NCOR1: variants seen among roughly 807,000 people sequenced by gnomAD.
NCOR1 encodes nuclear receptor corepressor 1.
Under a neutral mutation model 288.1 loss-of-function variants are expected in NCOR1, and 63 were observed. The observed-to-expected ratio is 0.22, with a 90% CI of 0.18 to 0.27. The LOEUF (loss-of-function observed/expected upper bound fraction) is 0.27. Among genes scored for constraint, NCOR1 ranks in the 10% least tolerant of loss-of-function variants. The pLI, the probability that NCOR1 is intolerant of heterozygous loss-of-function variation, is 1.00. For synonymous variants in NCOR1, 1,007 were observed against 1,065.9 expected, an observed-to-expected ratio of 0.94 and a Z score of 1.08; for missense variants, 2,397 against 3,019.2, an observed-to-expected ratio of 0.79 and a Z score of 4.83.
intron 30 of NCOR1, among the ~76,000 whole-genome samples, chr17:16,070,756 A>C (rs549707948): frequency 6.6e-6 from 1 of 152,332 alleles, no homozygotes; most frequent in East Asian, 1.9e-4. Context: ...AAGGCCAGGC[A>C]TGGTGGTTCA....
chr17:16,174,573 T>G (rs1187596796), intron 3 of NCOR1, among the ~76,000 whole-genome samples: 3 of 152,230 alleles, frequency 2.0e-5, no homozygotes, highest in Admixed American at 6.5e-5. Context: ...AATGCTCTTT[T>G]TCTATCTAGA....
intron 40 of NCOR1, among the ~76,000 whole-genome samples, chr17:16,053,629 C>G (rs1308988996): frequency 1.3e-5 from 2 of 152,086 alleles, no homozygotes; most frequent in Non-Finnish European, 2.9e-5. Flanking sequence ...CAATGCAATT[C>G]ACAAATTCAA....
chr17:16,158,366 T>C (rs2153416552), intron 6 of NCOR1, among the ~76,000 whole-genome samples: 1 of 152,326 alleles, frequency 6.6e-6, no homozygotes, highest in Admixed American at 6.5e-5. Flanking sequence ...CAATGACCTA[T>C]CTTTACTGAA....
Position 16,070,259 on chromosome 17 carries a change from A to G in NCOR1, c.4419T>C (p.Pro1473=), listed in dbSNP as rs2152723323. The G allele has an allele frequency of 6.2e-7, 1 of 1,614,128 alleles. No individual in the cohort carries two copies. The highest frequency in any genetic ancestry group is 2.2e-5 in the East Asian group (1 of 44,868). ...LHEAPKAQLS[P]GIYDDTSARR... The stretch of plus-strand genomic sequence containing the variant: ...GTGCACTGGTGTCATCATAAATCCC[A>G]GGGCTCAGTTGTGCTTTGGGAGCTT... Residue 1473 remains proline (P), a synonymous_variant, in exon 31 of 46, where the codon CCT becomes CCC. Coordinates refer to ENST00000268712, the MANE Select transcript of NCOR1 (RefSeq NM_006311.4).
intron 14 of NCOR1, among the ~76,000 whole-genome samples, chr17:16,133,641 C>T (rs2075986652): frequency 1.3e-5 from 2 of 152,048 alleles, no homozygotes; most frequent in Admixed American, 6.6e-5. Flanking sequence ...TATCTTTAAC[C>T]CAGATCTTTT....
At chr17:16,045,820 T>A (rs571871923) in intron 42 of NCOR1, among the ~76,000 whole-genome samples, 70 of 147,774 alleles carry the variant, frequency 4.7e-4, no homozygotes, top group African/African-American at 1.5e-3. Context: ...TAAAAAAAAT[T>A]TTTTTTTTTT....
intron 44 of NCOR1, among the ~76,000 whole-genome samples, chr17:16,037,810 C>T (rs1249769364): frequency 6.6e-6 from 1 of 152,200 alleles, no homozygotes; most frequent in South Asian, 2.1e-4. Context: ...AGCAGAATTT[C>T]ACAGAAGTGA....
chr17:16,117,596 G>A (rs764681770), intron 18 of NCOR1, among the ~76,000 whole-genome samples: 12 of 151,722 alleles, frequency 7.9e-5, no homozygotes, highest in Non-Finnish European at 1.0e-4. Context: ...GCTGAGACAG[G>A]TGGATCACCT....
chr17:16,086,359 G>T lies in NCOR1; in HGVS notation c.3100C>A (p.Pro1034Thr). The T allele has an allele frequency of 6.2e-7, 1 of 1,614,108 alleles. No individual in the cohort carries two copies. The highest frequency in any genetic ancestry group is 8.5e-7 in the Non-Finnish European group (1 of 1,179,964). The change falls in exon 23 of 46, where the codon CCC (proline) becomes ACC (threonine). Residue 1034 changes from proline (P) to threonine (T), a missense_variant. This residue lies in a region of NCOR1 where 1,872 missense variants were observed against 2,187.8 expected (regional missense o/e 0.86). Transcript: ENST00000268712. The part of the protein sequence containing the change: ...LPTTRPTRPP[P>T]PLIPSSKTTV... ...GTTTTGGATGACGGGATGAGAGGGG[G>T]CGGTGGCCTGGTTGGTCGAGTTGTC...
Position 16,029,840 on chromosome 17 carries a change from TG to T in NCOR1, c.*2455del, listed in dbSNP as rs1296315490. 1 of 152,664 alleles carries T rather than the reference TG, an allele frequency of 6.6e-6. No homozygotes were observed. Among genetic ancestry groups the T allele is most frequent in the East Asian group, 1.9e-4 (1 of 5,248 alleles). 9.5% of individuals were successfully genotyped at this position (152,664 alleles called of 1,614,324 possible). On this transcript the variant is annotated 3_prime_UTR_variant, in exon 46 of 46. Transcript: ENST00000268712. ...GATGGTAAATAAAGTAATACGCACA[TG>T]CATTATGATGAGGATGGAGGGAGTG...
At chr17:16,081,939 C>T (rs2063473670) in intron 23 of NCOR1, among the ~76,000 whole-genome samples, 1 of 152,180 alleles carries the variant, frequency 6.6e-6, no homozygotes. Flanking sequence ...ACTTAGGCTG[C>T]CCTTAAGGCT....
chr17:16,137,292 T>C lies in NCOR1; in HGVS notation c.1509+19A>G, dbSNP rs1599236472. 2 of 1,527,084 alleles carry C rather than the reference T, an allele frequency of 1.3e-6. No homozygotes were observed. The highest frequency in any genetic ancestry group is 1.8e-6 in the Non-Finnish European group (2 of 1,109,364). The allele number at this position is 1,527,084 out of a possible 1,614,324, so 94.6% of individuals were successfully genotyped here. A position where few individuals can be genotyped will look rare whatever the true frequency, so the allele number is the denominator to read the frequency against. Reference sequence around the variant, plus strand: ...TCCCCCAATCCTGAAATATCTTCCATACAAGTAAGAAAACACACCTGGTTT... The same window carrying C: ...TCCCCCAATCCTGAAATATCTTCCACACAAGTAAGAAAACACACCTGGTTT... On this transcript the variant is annotated intron_variant, in intron 14 of 45. Coordinates refer to ENST00000268712, the MANE Select transcript of NCOR1 (RefSeq NM_006311.4).
intron 14 of NCOR1, 36 bp downstream of exon 14, chr17:16,137,275 T>G: frequency 7.1e-7 from 1 of 1,404,980 alleles, no homozygotes; most frequent in Non-Finnish European, 1.0e-6. Flanking sequence ...TTTCCCCCAA[T>G]CCTGAAATAT....
intron 1 of NCOR1, among the ~76,000 whole-genome samples, chr17:16,204,797 A>G (rs1266592080): frequency 1.3e-5 from 2 of 152,266 alleles, no homozygotes; most frequent in Admixed American, 6.5e-5. Context: ...TTTACAAATA[A>G]GGAAATTAAG....
chr17:16,086,130 C>T (rs2064189584), intron 23 of NCOR1, 152 bp downstream of exon 23: 3 of 893,824 alleles, frequency 3.4e-6, no homozygotes, highest in Non-Finnish European at 5.2e-6. Context: ...AGTACAGTGA[C>T]TGCTGCATCT....
At chr17:16,191,656 G>A (rs74468026) in intron 2 of NCOR1, among the ~76,000 whole-genome samples, 2 of 152,138 alleles carry the variant, frequency 1.3e-5, no homozygotes, top group Non-Finnish European at 1.5e-5. Context: ...GGAATAACAT[G>A]CAACATGAGT....
chr17:16,096,573 CAA>C (rs2152959674), intron 21 of NCOR1, among the ~76,000 whole-genome samples: 1 of 152,172 alleles, frequency 6.6e-6, no homozygotes, highest in South Asian at 2.1e-4. Flanking sequence ...TGGTTACAAA[CAA>C]AAACAGGACT....
chr17:16,152,156 T>C (rs926974331), intron 7 of NCOR1, among the ~76,000 whole-genome samples, 158 bp from the exon 8 acceptor site: 2 of 152,204 alleles, frequency 1.3e-5, no homozygotes, highest in Non-Finnish European at 2.9e-5. Context: ...TTTTATTTAC[T>C]TATTTTTTTA....
At chr17:16,210,521 G>T (rs1268102063) in intron 1 of NCOR1, among the ~76,000 whole-genome samples, 2 of 152,062 alleles carry the variant, frequency 1.3e-5, no homozygotes, top group African/African-American at 4.8e-5. Flanking sequence ...TAACCTCAAA[G>T]ACATTTTTGT....
Sources: gnomAD v4.1 joint callset for allele counts (sites outside exome capture counted in the v4.1 genomes callset) on GRCh38, gnomAD v4.1.1 for gene constraint, gnomAD v4.1.1 regional missense constraint, MANE v1.5 for transcripts, NCBI Gene and HGNC (gene_info 2026-07-23, HGNC 2026-07-21) for gene names.